The following SFXN1 variants were observed in gnomAD, a reference collection of about 807,000 sequenced individuals.
The protein encoded by SFXN1 is sideroflexin 1.
In SFXN1, 32 loss-of-function variants were observed where a neutral mutation model predicts 39.5. The observed-to-expected ratio is 0.81, with a 90% CI of 0.61 to 1.09. The LOEUF is 1.09. Ranked by LOEUF, SFXN1 falls within the 50% of genes least tolerant of loss-of-function variation. The pLI is 0.00. For synonymous variants in SFXN1, 136 were observed against 146.5 expected (o/e 0.93, Z 0.52); for missense variants, 402 against 407.1 (o/e 0.99, Z 0.11).
chr5:175,511,688 G>T, intron 5 of SFXN1, 162 bp downstream of exon 5: 1 of 639,028 alleles, frequency 1.6e-6, no homozygotes, highest in Non-Finnish European at 2.7e-6. Flanking sequence ...CAATAAGTTT[G>T]GGAAGAGTTG....
At chr5:175,522,795 C>T (rs1013048709) in intron 10 of SFXN1, 10 of 174,500 alleles carry the variant, frequency 5.7e-5, no homozygotes. Flanking sequence ...CAATTATATG[C>T]ACTTAGCTTA....
At chr5:175,513,735 A>C in intron 7 of SFXN1, 145 bp downstream of exon 7, 4 of 823,978 alleles carry the variant, frequency 4.9e-6, no homozygotes, top group Non-Finnish European at 7.5e-6. Context: ...CAAGTAAATA[A>C]AGTATGTAGT....
intron 8 of SFXN1, among the ~76,000 whole-genome samples, chr5:175,519,480 A>T (rs138159495): frequency 1.6e-4 from 24 of 152,384 alleles, no homozygotes; most frequent in African/African-American, 5.5e-4. Flanking sequence ...TCTTGTGAAT[A>T]CAAGGGAATA....
At chr5:175,509,940 C>G (rs192977306) in intron 3 of SFXN1, among the ~76,000 whole-genome samples, 169 bp from the exon 4 acceptor site, 1 of 152,230 alleles carries the variant, frequency 6.6e-6, no homozygotes, top group East Asian at 1.9e-4. Context: ...AACTGATGAT[C>G]CCAGAGGATA....
At position 175,509,275 on chromosome 5, in the gene SFXN1, A is replaced by C. The variant is rs901723183; in HGVS notation, c.335+73A>C. 1,098 of 1,450,022 alleles carry C rather than the reference A, an allele frequency of 7.6e-4. 13 individuals are homozygous for C. Among genetic ancestry groups the C allele is most frequent in the Non-Finnish European group, 6.3e-5 (68 of 1,078,302 alleles). The allele number at this position is 1,450,022 out of a possible 1,614,324, so 89.8% of individuals were successfully genotyped here. On this transcript the variant is annotated intron_variant, in intron 3 of 10. Transcript: ENST00000321442. ...CAAAGTATATTTTTGTATGTAAATA[A>C]TTTTGTTGAAATAAGTATTATTTCA...
At chr5:175,492,019 A>T (rs1759672096) in intron 1 of SFXN1, 76 bp from the exon 2 acceptor site, 1 of 1,138,958 alleles carries the variant, frequency 8.8e-7, no homozygotes. Flanking sequence ...TCAAAAATTT[A>T]AGGTGACTGT....
intron 1 of SFXN1, among the ~76,000 whole-genome samples, chr5:175,479,415 T>C (rs900606621): frequency 6.6e-6 from 1 of 152,152 alleles, no homozygotes; most frequent in African/African-American, 2.4e-5. Context: ...TGGCCATCCA[T>C]AGTCCAAGGC....
chr5:175,481,602 C>G (rs1279125149), intron 1 of SFXN1, among the ~76,000 whole-genome samples: 6 of 152,216 alleles, frequency 3.9e-5, no homozygotes, highest in Admixed American at 3.9e-4. Context: ...GTGTGAGCCA[C>G]CGCGCCTGGC....
chr5:175,512,115 T>A lies in SFXN1; in HGVS notation c.515T>A (p.Val172Asp). The change falls in exon 6 of 11, where the codon GTC (valine) becomes GAC (aspartate). Residue 172 changes from valine to aspartate, a missense_variant. Physicochemically the swap from Val to Asp is radical, Grantham distance 152 (BLOSUM62 -3). Coordinates refer to ENST00000321442, the MANE Select transcript of SFXN1 (RefSeq NM_022754.7). Reference protein sequence around the residue: ...ALGLNALTKHVSPLIGRFVPF... With the variant: ...ALGLNALTKHDSPLIGRFVPF... The stretch of plus-strand genomic sequence containing the variant: ...TTGAAATTTTCTCCTCTGCAGCATG[T>A]CTCACCACTGATAGGACGTTTTGTT... 2 of 1,614,096 alleles carry A rather than the reference T, an allele frequency of 1.2e-6. No homozygotes were observed. The highest frequency in any genetic ancestry group is 1.7e-6 in the Non-Finnish European group (2 of 1,179,996).
At chr5:175,497,883 T>G (rs1759914478) in intron 2 of SFXN1, among the ~76,000 whole-genome samples, 2 of 149,684 alleles carry the variant, frequency 1.3e-5, no homozygotes, top group African/African-American at 5.0e-5. Context: ...TGAGCCGAGA[T>G]TGCGCCACTG....
At chr5:175,503,064 G>T (rs1015291973) in intron 2 of SFXN1, among the ~76,000 whole-genome samples, 5 of 152,118 alleles carry the variant, frequency 3.3e-5, no homozygotes, top group African/African-American at 1.2e-4. Flanking sequence ...AGATCCATTG[G>T]TTGGCAGGAA....
chr5:175,514,815 T>G (rs944270015), intron 7 of SFXN1, among the ~76,000 whole-genome samples: 1 of 152,210 alleles, frequency 6.6e-6, no homozygotes, highest in Non-Finnish European at 1.5e-5. Context: ...TGCCTGAGGC[T>G]AATGTGTTCT....
At chr5:175,480,923 G>T (rs1171197708) in intron 1 of SFXN1, among the ~76,000 whole-genome samples, 1 of 152,170 alleles carries the variant, frequency 6.6e-6, no homozygotes, top group African/African-American at 2.4e-5. Flanking sequence ...AAAAAGGGGG[G>T]AACAAAGGGC....
At position 175,513,440 on chromosome 5, in the gene SFXN1, T is replaced by C. The variant is rs763565479; in HGVS notation, c.597-23T>C. ...TTTATTGAAGGCATTGGTGGAGCTC[T>C]CTGTATGTGTTTTGCTCTGCAGGGA... On this transcript the variant is annotated intron_variant, in intron 6 of 10. Transcript: ENST00000321442. The C allele has an allele frequency of 2.5e-6, 4 of 1,610,422 alleles. No homozygotes were observed. In the Admixed American group the frequency reaches 5.0e-5, roughly 20 times the overall value.
In SFXN1 at chr5:175,513,591, G is replaced by T; in HGVS notation, c.724+1G>T. ...ATTCTCATGGCAGCCCCTGGCATGG[G>T]TTAGCAGGACTTTGTCATTTATTCC... On this transcript the variant is annotated splice_donor_variant, in intron 7 of 10. Coordinates refer to ENST00000321442, the MANE Select transcript of SFXN1 (RefSeq NM_022754.7). LOFTEE classifies it high-confidence loss of function. 6.2e-7 allele frequency: 1 copy of T among 1,613,502 alleles called. No homozygotes were observed. Among genetic ancestry groups the T allele is most frequent in the Non-Finnish European group, 8.5e-7 (1 of 1,179,704 alleles).
In SFXN1 at chr5:175,527,148, C is replaced by T. The variant is rs1761092610; in HGVS notation, c.*414C>T. On this transcript the variant is annotated 3_prime_UTR_variant, in exon 11 of 11. Coordinates refer to ENST00000321442, the MANE Select transcript of SFXN1 (RefSeq NM_022754.7). ...TTTTCATCTCACTCCCATTGCAAAT[C>T]AAGGAGATCTCAGCAGTGAACTGGG... The T allele has an allele frequency of 6.2e-6, 1 of 160,194 alleles. No homozygotes were observed. Among genetic ancestry groups the T allele is most frequent in the African/African-American group, 2.4e-5 (1 of 41,602 alleles). The allele number at this position is 160,194 out of a possible 1,614,324, so 9.9% of individuals were successfully genotyped here.
intron 7 of SFXN1, 47 bp downstream of exon 7, chr5:175,513,637 C>T (rs1561672007): frequency 1.3e-5 from 21 of 1,597,192 alleles, no homozygotes; most frequent in East Asian, 2.2e-5. Flanking sequence ...GTTGAACCAG[C>T]GTTCACGGAT....
At chr5:175,505,240 A>G (rs1760242166) in intron 2 of SFXN1, among the ~76,000 whole-genome samples, 1 of 152,020 alleles carries the variant, frequency 6.6e-6, no homozygotes, top group Non-Finnish European at 1.5e-5. Context: ...TGTAAAACTG[A>G]TAAAATAATT....
chr5:175,514,939 T>C (rs1482097602), intron 7 of SFXN1, among the ~76,000 whole-genome samples: 1 of 152,204 alleles, frequency 6.6e-6, no homozygotes, highest in Non-Finnish European at 1.5e-5. Context: ...ACCCCGGTGT[T>C]CCTACTGAGC....
Sources: allele counts gnomAD v4.1 joint callset (sites outside exome capture counted in the v4.1 genomes callset), GRCh38; gene constraint gnomAD v4.1.1; transcripts MANE v1.5; gene names NCBI Gene and HGNC (gene_info 2026-07-23, HGNC 2026-07-21).